The following R3HDM1 variants were observed in gnomAD, a reference collection of about 807,000 sequenced individuals.
R3HDM1 encodes the protein R3H domain-containing protein 1.
In R3HDM1, 46 loss-of-function variants were observed where a neutral mutation model predicts 141.1. The ratio of observed to expected loss-of-function variants is 0.33; its 90% CI spans 0.26 to 0.42. The LOEUF is 0.42. Among genes scored for constraint, R3HDM1 ranks in the 10% least tolerant of loss-of-function variants. The pLI is 1.00. For missense variants in R3HDM1, 1,184 were observed against 1,368.3 expected (o/e 0.87, Z 2.12); for synonymous variants, 435 against 472.9 (o/e 0.92, Z 1.04).
rs1008971414 is a variant in R3HDM1 at position 135,696,666 on chromosome 2, A to AT, written c.2460-12759dup. Among the ~76,000 whole-genome samples the AT allele has an allele frequency of 9.2e-5, 14 of 151,742 alleles. 1 individual carries two copies. Among genetic ancestry groups the AT allele is most frequent in the African/African-American group, 2.2e-4 (9 of 41,356 alleles). On this transcript the variant is annotated intron_variant, in intron 21 of 26. Coordinates refer to ENST00000683871, the MANE Select transcript of R3HDM1 (RefSeq NM_001378107.1). ...GCCACCACACCTGGCTAATTTTTTA[A>AT]TTTTTTTTAAAGATAGGATCTCACT...
chr2:135,699,050 A>T (rs113316256), intron 21 of R3HDM1, among the ~76,000 whole-genome samples: 11 of 143,452 alleles, frequency 7.7e-5, no homozygotes, highest in South Asian at 4.6e-4. Flanking sequence ...TAGATAAGAT[A>T]GATAAGATAG....
intron 1 of R3HDM1, chr2:135,587,007 T>G (rs760921043): frequency 8.3e-4 from 816 of 982,152 alleles, no homozygotes; most frequent in Admixed American, 2.3e-3. Flanking sequence ...TTTTCTACCC[T>G]TTTGGGGGAA....
At chr2:135,535,821 A>G (rs567892251) in intron 1 of R3HDM1, among the ~76,000 whole-genome samples, 4 of 152,332 alleles carry the variant, frequency 2.6e-5, no homozygotes, top group South Asian at 2.1e-4. Context: ...ATTTAATTCA[A>G]TTAGTTATTG....
Position 135,651,748 on chromosome 2 carries a change from C to T in R3HDM1, c.1744C>T (p.Gln582Ter). The change falls in exon 18 of 27, where the codon CAG (glutamine) becomes TAG (stop). Residue 582 changes from glutamine to a stop codon, truncating the protein, a stop_gained. Transcript: ENST00000683871. LOFTEE classifies it high-confidence loss of function. ...QYSVQDNLGS[Q>*]FSHMSLARQP... is the part of the protein sequence containing the mutation. ...TTTTTAGCAGGATAACCTAGGGTCT[C>T]AGTTTAGCCACATGAGTCTTGCTCG... is the stretch of plus-strand genomic sequence containing the variant. The T allele has an allele frequency of 6.2e-7, 1 of 1,611,834 alleles. No individual in the cohort carries two copies. Among genetic ancestry groups the T allele is most frequent in the Non-Finnish European group, 8.5e-7 (1 of 1,178,450 alleles).
chr2:135,688,927 C>T (rs1460854902), intron 21 of R3HDM1, among the ~76,000 whole-genome samples: 2 of 152,072 alleles, frequency 1.3e-5, no homozygotes, highest in African/African-American at 4.8e-5. Flanking sequence ...CAGAGCGAGA[C>T]TCCTTCTCAA....
chr2:135,602,885 C>T (rs13397889), intron 2 of R3HDM1, among the ~76,000 whole-genome samples, 177 bp downstream of exon 2: 38,506 of 151,796 alleles, frequency 0.25, 8,644 homozygotes, highest in African/African-American at 0.6. Context: ...ACATGGTTTT[C>T]TTTTTTTAAT....
intron 1 of R3HDM1, chr2:135,566,921 G>A (rs974937835): frequency 1.0e-4 from 20 of 192,348 alleles, no homozygotes; most frequent in African/African-American, 4.3e-4. Flanking sequence ...GCACTGAGCC[G>A]AGTACTGCCA....
At chr2:135,654,427 TTTGTTGTTGTTGTTG>T (rs35477275) in intron 18 of R3HDM1, among the ~76,000 whole-genome samples, 4 of 149,104 alleles carry the variant, frequency 2.7e-5, no homozygotes, top group African/African-American at 5.0e-5. Context: ...AATGTTTTCT[TTTGTTGTTGTTGTTG>T]TTGTTGTTGT....
At chr2:135,694,071 A>T (rs752734105) in intron 21 of R3HDM1, among the ~76,000 whole-genome samples, 3 of 152,176 alleles carry the variant, frequency 2.0e-5, no homozygotes, top group Non-Finnish European at 4.4e-5. Context: ...TTCCCTACCT[A>T]CTTTTGAATT....
intron 1 of R3HDM1, among the ~76,000 whole-genome samples, chr2:135,533,376 T>C (rs1278010227): frequency 6.6e-6 from 1 of 152,220 alleles, no homozygotes; most frequent in Non-Finnish European, 1.5e-5. Context: ...GCATAGTATT[T>C]TCCAGAACTT....
At position 135,594,133 on chromosome 2, in the gene R3HDM1, C is replaced by T. The variant is rs189081053; in HGVS notation, c.-249-8367C>T. Among the ~76,000 whole-genome samples, 20 of 152,340 alleles carry T rather than the reference C, an allele frequency of 1.3e-4. No homozygotes were observed. The East Asian group carries it at 3.1e-3, about 24-fold the overall frequency. On this transcript the variant is annotated intron_variant, in intron 1 of 26. Coordinates refer to ENST00000683871, the MANE Select transcript of R3HDM1 (RefSeq NM_001378107.1). The stretch of plus-strand genomic sequence containing the variant: ...CCTGGGCACCAGGAGCTGCTTGTCT[C>T]CCACATCTCCCCTGCTTTGGTTCTC...
At chr2:135,710,314 C>A in intron 23 of R3HDM1, 83 bp downstream of exon 23, 1 of 1,391,636 alleles carries the variant, frequency 7.2e-7, no homozygotes, top group Non-Finnish European at 9.8e-7. Context: ...AATTTGAAAT[C>A]CCGTCAGCCA....
intron 19 of R3HDM1, among the ~76,000 whole-genome samples, chr2:135,668,388 C>G (rs997202298): frequency 3.2e-4 from 49 of 152,104 alleles, no homozygotes; most frequent in Admixed American, 2.8e-3. Context: ...TAGCCAGTTG[C>G]TGTGTTGTAT....
intron 1 of R3HDM1, among the ~76,000 whole-genome samples, chr2:135,600,281 T>A (rs2059523976): frequency 6.6e-6 from 1 of 152,030 alleles, no homozygotes; most frequent in African/African-American, 2.4e-5. Flanking sequence ...TTAGAAGCCT[T>A]CAAATGAGAG....
intron 1 of R3HDM1, among the ~76,000 whole-genome samples, chr2:135,546,645 C>T: frequency 6.6e-6 from 1 of 152,064 alleles, no homozygotes. Flanking sequence ...GCAACCAGAC[C>T]ATGATGTTAT....
intron 1 of R3HDM1, among the ~76,000 whole-genome samples, chr2:135,574,204 A>T (rs961026761): frequency 3.3e-5 from 5 of 152,206 alleles, no homozygotes; most frequent in African/African-American, 1.2e-4. Flanking sequence ...TTTTTAAAAA[A>T]TTTTAAAATC....
intron 1 of R3HDM1, among the ~76,000 whole-genome samples, chr2:135,545,015 A>G (rs1269988208): frequency 6.6e-6 from 1 of 152,228 alleles, no homozygotes; most frequent in Non-Finnish European, 1.5e-5. Context: ...TAAAATTAAT[A>G]AAATGTAAAT....
rs1378691695 is a variant in R3HDM1 at position 135,568,510 on chromosome 2, G to A, written c.-249-33990G>A. Among the ~76,000 whole-genome samples the A allele has an allele frequency of 4.0e-5, 6 of 151,390 alleles. No individual in the cohort carries two copies. The East Asian group carries it at 5.9e-4, about 15-fold the overall frequency. On this transcript the variant is annotated intron_variant, in intron 1 of 26. Coordinates refer to ENST00000683871, the MANE Select transcript of R3HDM1 (RefSeq NM_001378107.1). ...GATTACAGTGTCCGTCACTACACCC[G>A]GCTAATTTTTTGTATTTTTAGTAGA...
At chr2:135,648,702 GAAAATT>G (rs2064762821) in intron 16 of R3HDM1, among the ~76,000 whole-genome samples, 1 of 148,614 alleles carries the variant, frequency 6.7e-6, no homozygotes, top group Non-Finnish European at 1.5e-5. Context: ...ATAAATATGA[GAAAATT>G]AAACAGATGC....
Sources: allele counts gnomAD v4.1 joint callset (sites outside exome capture counted in the v4.1 genomes callset), GRCh38; gene constraint gnomAD v4.1.1; transcripts MANE v1.5; gene names NCBI Gene and HGNC (gene_info 2026-07-23, HGNC 2026-07-21).